Variants in PLXNA1 observed in about 807,000 individuals in gnomAD.
PLXNA1 encodes the protein plexin A1, also known as plexin-A1.
A neutral mutation model predicts 191.7 loss-of-function variants in PLXNA1; 77 were observed. The observed-to-expected ratio is 0.40, with a 90% CI of 0.33 to 0.49. The LOEUF is 0.49. Among genes scored for constraint, PLXNA1 ranks in the 20% least tolerant of loss-of-function variants. The pLI is 0.63. For missense variants in PLXNA1, 2,110 were observed against 2,660.2 expected, an observed-to-expected ratio of 0.79 and a Z score of 4.55; for synonymous variants, 1,137 against 1,156.4, an observed-to-expected ratio of 0.98 and a Z score of 0.34.
chr3:127,022,883 G>A, intron 23 of PLXNA1, 65 bp downstream of exon 23: 1 of 1,391,098 alleles, frequency 7.2e-7, no homozygotes, highest in South Asian at 1.2e-5. Flanking sequence ...AAAACGGAGA[G>A]AGGTGGGGAT....
chr3:127,006,704 G>A (rs1279424815), intron 8 of PLXNA1, among the ~76,000 whole-genome samples: 1 of 152,154 alleles, frequency 6.6e-6, no homozygotes, highest in Non-Finnish European at 1.5e-5. Context: ...CAGCATCCAG[G>A]TCCCCTCTGG....
chr3:127,032,346 G>T, intron 29 of PLXNA1, 41 bp from the exon 30 acceptor site: 1 of 1,590,068 alleles, frequency 6.3e-7, no homozygotes, highest in Non-Finnish European at 8.6e-7. Context: ...TCAGGAGGGA[G>T]CAGAGGCCTA....
At chr3:127,015,959 C>T (rs2079120889) in intron 15 of PLXNA1, among the ~76,000 whole-genome samples, 1 of 152,162 alleles carries the variant, frequency 6.6e-6, no homozygotes, top group East Asian at 1.9e-4. Context: ...GGGACAGGTG[C>T]CGAGAGGGAA....
rs1246489362 is a variant in PLXNA1, at chr3:127,006,084, C to G, written c.1903C>G (p.Gln635Glu). 6.2e-7 allele frequency: 1 copy of G among 1,613,314 alleles called. No individual in the cohort carries two copies. The highest frequency in any genetic ancestry group is 8.5e-7 in the Non-Finnish European group (1 of 1,179,634). Residue 635 changes from glutamine (Q) to glutamate (E), a missense_variant, in exon 8 of 32, where the codon CAG becomes GAG. Around this residue, in one of 4 missense-constraint regions of PLXNA1, gnomAD observed 903 missense variants for 1,015.7 expected, o/e 0.89. Transcript: ENST00000393409. ...VAPITRGQGD[Q>E]RVVKLYLKSK... ...CAGCCATGCTGCTCGTGCAGGAGAC[C>G]AGCGGGTGGTGAAACTCTACCTAAA...
Position 127,008,766 on chromosome 3 carries a change from G to A in PLXNA1, c.2112+853G>A, listed in dbSNP as rs566137608. ...CTGGGGGCTGGGGGCTGAGGAAGTT[G>A]CATGGTGGCCCTCTCTCCTCTGGGT... On this transcript the variant is annotated intron_variant, in intron 9 of 31. Transcript: ENST00000393409. 2.0e-5 allele frequency among the ~76,000 whole-genome samples: 3 copies of A among 152,170 alleles called. No homozygotes were observed. In the South Asian group the frequency reaches 6.2e-4, roughly 32 times the overall value.
At chr3:126,994,539 G>A (rs1189718148) in intron 3 of PLXNA1, among the ~76,000 whole-genome samples, 1 of 152,158 alleles carries the variant, frequency 6.6e-6, no homozygotes, top group Admixed American at 6.5e-5. Context: ...CTGGGGCCTG[G>A]GTTCGAGTCC....
rs150052583 is a variant in PLXNA1 at position 127,022,198 on chromosome 3, C to G, written c.4152C>G (p.Arg1384=). The G allele has an allele frequency of 6.2e-7, 1 of 1,613,378 alleles. No homozygotes were observed. Among genetic ancestry groups the G allele is most frequent in the Admixed American group, 1.7e-5 (1 of 60,010 alleles). Residue 1384 remains arginine (R), a synonymous_variant, in exon 22 of 32, where the codon CGC becomes CGG. Transcript: ENST00000393409. ...TLEAQRSFSM[R]DRGNVASLIM... Reference sequence around the variant, plus strand: ...AGGCACAGCGCAGCTTCTCCATGCGCGACCGCGGGAATGTGGCCTCGCTCA... The same window carrying G: ...AGGCACAGCGCAGCTTCTCCATGCGGGACCGCGGGAATGTGGCCTCGCTCA...
intron 9 of PLXNA1, among the ~76,000 whole-genome samples, chr3:127,008,395 C>T (rs1247553208): frequency 2.0e-5 from 3 of 152,106 alleles, no homozygotes; most frequent in African/African-American, 4.8e-5. Flanking sequence ...GTTCTGGAGT[C>T]ACCAGGCGCT....
intron 29 of PLXNA1, 136 bp from the exon 30 acceptor site, chr3:127,032,251 C>T: frequency 2.4e-6 from 2 of 827,868 alleles, no homozygotes; most frequent in Admixed American, 2.6e-5. Context: ...ATGGGCCCTG[C>T]ACCTCTGTGG....
intron 29 of PLXNA1, 106 bp from the exon 30 acceptor site, chr3:127,032,281 A>C: frequency 8.5e-7 from 1 of 1,170,188 alleles, no homozygotes; most frequent in Non-Finnish European, 1.2e-6. Flanking sequence ...CCCCGTCTGC[A>C]TGGAAAGCCA....
chr3:127,022,278 T>A lies in PLXNA1; in HGVS notation c.4232T>A (p.Leu1411Gln), dbSNP rs758868486. Residue 1411 changes from leucine (L) to glutamine (Q), a missense_variant, in exon 22 of 32, where the codon CTG becomes CAG. Transcript: ENST00000393409. ...MEYATGVLKQLLSDLIEKNLE... is the reference protein window; with the variant it reads ...MEYATGVLKQQLSDLIEKNLE... ...TACGCCACAGGCGTGCTCAAGCAGCTGCTTTCCGACCTCATCGAGAAGAAC... is the reference window on the plus strand; with the variant it reads ...TACGCCACAGGCGTGCTCAAGCAGCAGCTTTCCGACCTCATCGAGAAGAAC... 4.3e-6 allele frequency: 7 copies of A among 1,613,534 alleles called. No individual in the cohort carries two copies. The highest frequency in any genetic ancestry group is 5.9e-6 in the Non-Finnish European group (7 of 1,179,898).
chr3:127,000,743 T>C (rs535276169), intron 3 of PLXNA1, among the ~76,000 whole-genome samples: 116 of 152,312 alleles, frequency 7.6e-4, no homozygotes, highest in African/African-American at 2.5e-3. Context: ...CTGGGGACCA[T>C]TGTCCTAGCT....
chr3:126,996,103 T>TGCA (rs1432280682), intron 3 of PLXNA1, among the ~76,000 whole-genome samples: 1 of 152,188 alleles, frequency 6.6e-6, no homozygotes, highest in Non-Finnish European at 1.5e-5. Context: ...TGGTGGAACC[T>TGCA]GCAGCAGCTG....
At position 126,989,621 on chromosome 3, in the gene PLXNA1, A is replaced by G; in HGVS notation, c.1028A>G (p.Gln343Arg). ...DEDVLFTVFA[Q>R]GQKNRVKPPK... ...GACGTGCTGTTCACTGTGTTCGCCCAGGGCCAGAAGAACCGCGTGAAGCCA... is the reference window on the plus strand; with the variant it reads ...GACGTGCTGTTCACTGTGTTCGCCCGGGGCCAGAAGAACCGCGTGAAGCCA... Residue 343 changes from glutamine (Q) to arginine (R), a missense_variant, in exon 2 of 32, where the codon CAG (glutamine) becomes CGG (arginine). Gln to Arg is a conservative substitution (Grantham distance 43). This residue lies in a region of PLXNA1 where 903 missense variants were observed against 1,015.7 expected (regional missense o/e 0.89). Coordinates refer to ENST00000393409, the MANE Select transcript of PLXNA1 (RefSeq NM_032242.4). 2 of 1,613,120 alleles carry G rather than the reference A, an allele frequency of 1.2e-6. No homozygotes were observed. The highest frequency in any genetic ancestry group is 1.7e-6 in the Non-Finnish European group (2 of 1,179,964).
rs1405134624 is a variant in PLXNA1 at position 127,014,571 on chromosome 3, G to A, written c.2698G>A (p.Val900Met). The change falls in exon 13 of 32, where the codon GTG (valine) becomes ATG (methionine). Residue 900 changes from valine (V) to methionine (M), a missense_variant. Transcript: ENST00000393409. ...GCGATTCGAAGACGTGCGTCTGGGC[G>A]TGCGCGTGGGCAAGGTGCTGTGCAG... ...GLRFEDVRLG[V>M]RVGKVLCSPV... The A allele has an allele frequency of 1.2e-5, 20 of 1,612,834 alleles. No homozygotes were observed. The highest frequency in any genetic ancestry group is 6.6e-5 in the South Asian group (6 of 91,092).
chr3:127,018,624 C>T, intron 20 of PLXNA1, 96 bp downstream of exon 20: 1 of 922,308 alleles, frequency 1.1e-6, no homozygotes, highest in Non-Finnish European at 1.6e-6. Flanking sequence ...CCCCACCCTG[C>T]TTCAGCTCAG....
rs377092932 is a variant in PLXNA1, at chr3:127,014,203, C to T, written c.2432C>T (p.Ala811Val). 24 of 1,608,856 alleles carry T rather than the reference C, an allele frequency of 1.5e-5. No homozygotes were observed. In the African/African-American group the frequency reaches 2.7e-4, roughly 18 times the overall value. ...NIQAHLYKCP[A>V]LRESCGLCLK... ...ACAGCGCACCTCTACAAGTGCCCGGCCCTGCGCGAGAGCTGCGGCCTCTGC... is the reference window on the plus strand; with the variant it reads ...ACAGCGCACCTCTACAAGTGCCCGGTCCTGCGCGAGAGCTGCGGCCTCTGC... Residue 811 changes from alanine (A) to valine (V), a missense_variant, in exon 12 of 32, where the codon GCC (alanine) becomes GTC (valine). Coordinates refer to ENST00000393409, the MANE Select transcript of PLXNA1 (RefSeq NM_032242.4).
rs1021917643 is a variant in PLXNA1, at chr3:127,022,231, G to T, written c.4185G>T (p.Thr1395=). Residue 1395 remains threonine, a synonymous_variant, in exon 22 of 32, where the codon ACG becomes ACT. Transcript: ENST00000393409. ...DRGNVASLIM[T]ALQGEMEYAT... ...GGAATGTGGCCTCGCTCATCATGAC[G>T]GCCCTGCAGGGCGAGATGGAATACG... The T allele has an allele frequency of 2.3e-5, 37 of 1,613,302 alleles. No homozygotes were observed. The highest frequency in any genetic ancestry group is 3.1e-5 in the Non-Finnish European group (37 of 1,179,990).
intron 23 of PLXNA1, 40 bp from the exon 24 acceptor site, chr3:127,027,900 C>T (rs371404242): frequency 9.9e-5 from 159 of 1,610,632 alleles, no homozygotes; most frequent in Middle Eastern, 1.7e-4. Context: ...GGGGTAGGCC[C>T]GGGGGTCCTG....
Sources: gnomAD v4.1 joint callset for allele counts (sites outside exome capture counted in the v4.1 genomes callset) on GRCh38, gnomAD v4.1.1 for gene constraint, gnomAD v4.1.1 regional missense constraint, MANE v1.5 for transcripts, NCBI Gene and HGNC (gene_info 2026-07-23, HGNC 2026-07-21) for gene names.